RAB27B: variants seen among roughly 807,000 people sequenced by gnomAD.
RAB27B encodes the protein RAB27B, member RAS oncogene family, also known as ras-related protein Rab-27B.
Under a neutral mutation model 24.6 loss-of-function variants are expected in RAB27B, and 15 were observed. The observed-to-expected ratio is 0.61, with a 90% CI of 0.41 to 0.94. The LOEUF (loss-of-function observed/expected upper bound fraction) is 0.94, where lower values mean the gene tolerates loss of function less well. Among genes scored for constraint, RAB27B ranks in the 40% least tolerant of loss-of-function variants. The probability of loss-of-function intolerance (pLI) is 0.00; values close to 1 mark genes in which losing one functional copy is unlikely to be tolerated. For synonymous variants in RAB27B, 105 were observed against 92.5 expected (o/e 1.14, Z -0.78); for missense variants, 261 against 266.8 (o/e 0.98, Z 0.15).
intron 2 of RAB27B, among the ~76,000 whole-genome samples, chr18:54,779,770 G>C (rs1908831027): frequency 6.6e-6 from 1 of 152,092 alleles, no homozygotes; most frequent in Non-Finnish European, 1.5e-5. Flanking sequence ...TACTACAGAT[G>C]GGTGACTTAA....
intron 2 of RAB27B, among the ~76,000 whole-genome samples, chr18:54,742,751 C>T (rs1480838392): frequency 1.3e-5 from 2 of 152,168 alleles, no homozygotes; most frequent in African/African-American, 4.8e-5. Flanking sequence ...AAGGAGGATG[C>T]TGCCCACTTG....
chr18:54,804,773 T>TG (rs1909716817), intron 2 of RAB27B, among the ~76,000 whole-genome samples: 1 of 152,198 alleles, frequency 6.6e-6, no homozygotes, highest in African/African-American at 2.4e-5. Context: ...ATGGGATCTC[T>TG]GGGTGAGGTA....
intron 2 of RAB27B, among the ~76,000 whole-genome samples, chr18:54,753,670 A>T (rs1907907859): frequency 6.8e-6 from 1 of 147,084 alleles, no homozygotes; most frequent in East Asian, 2.2e-4. Context: ...CTAAAACAAA[A>T]ACATGTCTAT....
intron 2 of RAB27B, among the ~76,000 whole-genome samples, chr18:54,759,036 C>T (rs1908098931): frequency 6.6e-6 from 1 of 152,238 alleles, no homozygotes; most frequent in South Asian, 2.1e-4. Context: ...TTTAATTTTT[C>T]AAAGTTTTGT....
At chr18:54,852,203 C>T (rs534199240) in intron 1 of RAB27B, among the ~76,000 whole-genome samples, 3 of 152,276 alleles carry the variant, frequency 2.0e-5, no homozygotes, top group African/African-American at 7.2e-5. Context: ...TTTCCACCTA[C>T]TCAAGATCTC....
chr18:54,820,575 A>G (rs558148603), intron 2 of RAB27B, among the ~76,000 whole-genome samples: 1 of 151,786 alleles, frequency 6.6e-6, no homozygotes, highest in Non-Finnish European at 1.5e-5. Flanking sequence ...TTGCCTGTTC[A>G]CTCTGATGGT....
intron 2 of RAB27B, among the ~76,000 whole-genome samples, chr18:54,815,360 T>C (rs1286970140): frequency 6.6e-6 from 1 of 152,232 alleles, no homozygotes; most frequent in Non-Finnish European, 1.5e-5. Context: ...GACATAGCCA[T>C]GTCAGACTTC....
intron 2 of RAB27B, among the ~76,000 whole-genome samples, chr18:54,770,247 G>A (rs1169742490): frequency 2.6e-5 from 4 of 152,264 alleles, no homozygotes; most frequent in South Asian, 2.1e-4. Flanking sequence ...CATAGCAGGA[G>A]GTGAGTGGAG....
intron 1 of RAB27B, among the ~76,000 whole-genome samples, chr18:54,857,385 G>A (rs922179255): frequency 1.3e-5 from 2 of 152,154 alleles, no homozygotes; most frequent in Admixed American, 1.3e-4. Context: ...ACCCTTTAGA[G>A]GTACAGTAGC....
chr18:54,816,900 A>G (rs1568078328), intron 2 of RAB27B, among the ~76,000 whole-genome samples: 1 of 152,224 alleles, frequency 6.6e-6, no homozygotes, highest in Non-Finnish European at 1.5e-5. Context: ...TGTCCTTTCT[A>G]ATTTTCACAG....
chr18:54,855,854 T>C (rs1911764175), intron 1 of RAB27B, among the ~76,000 whole-genome samples: 2 of 152,234 alleles, frequency 1.3e-5, no homozygotes, highest in Non-Finnish European at 1.5e-5. Context: ...TAAAGTGCAG[T>C]ATTCAGTTTT....
intron 2 of RAB27B, among the ~76,000 whole-genome samples, chr18:54,724,477 G>A (rs8089474): frequency 0.77 from 116,815 of 150,978 alleles, 46,053 homozygotes; most frequent in Middle Eastern, 0.89. Flanking sequence ...TAATCCCAGC[G>A]CTTTGGGAGG....
In RAB27B at chr18:54,892,317, A is replaced by G. The variant is rs1017970316; in HGVS notation, c.*2904A>G. The G allele has an allele frequency of 1.3e-5, 2 of 152,042 alleles. No individual in the cohort carries two copies. The highest frequency in any genetic ancestry group is 2.4e-5 in the African/African-American group (1 of 41,416). The allele number at this position is 152,042 out of a possible 1,614,324, so 9.4% of individuals were successfully genotyped here. Reference sequence around the variant, plus strand: ...TCTGTGACCAAATTTGTCTCCAACCACATAGCTCATTTCCTATAATGTTAT... The same window carrying G: ...TCTGTGACCAAATTTGTCTCCAACCGCATAGCTCATTTCCTATAATGTTAT... On this transcript the variant is annotated 3_prime_UTR_variant, in exon 6 of 6. Transcript: ENST00000262094.
chr18:54,757,250 A>G (rs1908034229), intron 2 of RAB27B, among the ~76,000 whole-genome samples: 3 of 152,334 alleles, frequency 2.0e-5, no homozygotes, highest in South Asian at 2.1e-4. Flanking sequence ...CTGGGAGCCC[A>G]TGGATTCCCA....
rs755009997 is a variant in RAB27B, at chr18:54,894,832, G to T, written c.*5419G>T. 3.3e-5 allele frequency: 5 copies of T among 152,040 alleles called. No individual in the cohort carries two copies. The highest frequency in any genetic ancestry group is 2.9e-5 in the Non-Finnish European group (2 of 67,964). 9.4% of individuals were successfully genotyped at this position (152,040 alleles called of 1,614,324 possible). Reference sequence around the variant, plus strand: ...ATTTAAACTGCTTGATATAAAAAGAGGTATCATAGCAGGGAAAACACACTA... The same window carrying T: ...ATTTAAACTGCTTGATATAAAAAGATGTATCATAGCAGGGAAAACACACTA... On this transcript the variant is annotated 3_prime_UTR_variant, in exon 6 of 6. Coordinates refer to ENST00000262094, the MANE Select transcript of RAB27B (RefSeq NM_004163.4).
chr18:54,812,851 T>A (rs1281527274), intron 2 of RAB27B, among the ~76,000 whole-genome samples: 1 of 152,136 alleles, frequency 6.6e-6, no homozygotes, highest in Non-Finnish European at 1.5e-5. Flanking sequence ...ACAATATCTA[T>A]ACCAAATAGT....
intron 2 of RAB27B, among the ~76,000 whole-genome samples, chr18:54,750,795 A>G (rs912183821): frequency 1.3e-5 from 2 of 152,222 alleles, no homozygotes; most frequent in African/African-American, 4.8e-5. Context: ...CAAAAAGCAA[A>G]GAACCCATAA....
intron 2 of RAB27B, among the ~76,000 whole-genome samples, chr18:54,740,272 GA>G (rs1598870397): frequency 6.6e-6 from 1 of 152,262 alleles, no homozygotes; most frequent in East Asian, 1.9e-4. Flanking sequence ...CCCAGATAAT[GA>G]AACAATTCTC....
At position 54,796,458 on chromosome 18, in the gene RAB27B, C is replaced by G. The variant is rs73960636; in HGVS notation, c.-20+78317C>G. On this transcript the variant is annotated intron_variant, in intron 2 of 4. Transcript: ENST00000586570. Reference sequence around the variant, plus strand: ...TGTGCACTTGAAAGGTGAATGCAAGCTTTTATTGAGTGATGGAGGTGGTTC... The same window carrying G: ...TGTGCACTTGAAAGGTGAATGCAAGGTTTTATTGAGTGATGGAGGTGGTTC... Among the ~76,000 whole-genome samples, 1,210 of 152,214 alleles carry G rather than the reference C, an allele frequency of 7.9e-3. 23 individuals carry two copies. Among genetic ancestry groups the G allele is most frequent in the African/African-American group, 0.026 (1,087 of 41,524 alleles).
Sources: gnomAD v4.1 joint callset for allele counts (sites outside exome capture counted in the v4.1 genomes callset) on GRCh38, gnomAD v4.1.1 for gene constraint, MANE v1.5 for transcripts, NCBI Gene and HGNC (gene_info 2026-07-23, HGNC 2026-07-21) for gene names.